Variants in SLC12A3 observed in about 807,000 individuals in gnomAD.
SLC12A3 encodes solute carrier family 12 member 3.
In SLC12A3, 104 loss-of-function variants were observed where a neutral mutation model predicts 121.0. The observed-to-expected ratio is 0.86, with a 90% CI of 0.73 to 1.01. The LOEUF (loss-of-function observed/expected upper bound fraction) is 1.01, where lower values mean the gene tolerates loss of function less well. Among genes scored for constraint, SLC12A3 ranks in the 50% least tolerant of loss-of-function variants. SLC12A3 has a pLI of 0.00. For missense variants in SLC12A3, 1,328 were observed against 1,356.3 expected, an observed-to-expected ratio of 0.98 and a Z score of 0.33; for synonymous variants, 536 against 533.4, an observed-to-expected ratio of 1.00 and a Z score of -0.07.
Position 56,870,083 on chromosome 16 carries a change from T to C in SLC12A3, c.602-13T>C. 6.2e-7 allele frequency: 1 copy of C among 1,612,120 alleles called. No homozygotes were observed. Among genetic ancestry groups the C allele is most frequent in the African/African-American group, 1.3e-5 (1 of 75,066 alleles). ...CTCATCTGGTTTCATGGTTCCCGGCTCTGCCCTGATAGGTGGCACCTACTT... is the reference window on the plus strand; with the variant it reads ...CTCATCTGGTTTCATGGTTCCCGGCCCTGCCCTGATAGGTGGCACCTACTT... On this transcript the variant is annotated splice_polypyrimidine_tract_variant and intron_variant, in intron 4 of 25. Coordinates refer to ENST00000563236, the MANE Select transcript of SLC12A3 (RefSeq NM_001126108.2).
At position 56,870,044 on chromosome 16, in the gene SLC12A3, C is replaced by A. The variant is rs1341134301; in HGVS notation, c.602-52C>A. ...CTGGCCTCTGCCTGCCCTGAGTCCA[C>A]CCCAGCCAACCGACTCATCTGGTTT... On this transcript the variant is annotated intron_variant, in intron 4 of 25. Coordinates refer to ENST00000563236, the MANE Select transcript of SLC12A3 (RefSeq NM_001126108.2). 5.0e-6 allele frequency: 8 copies of A among 1,605,776 alleles called. No homozygotes were observed. In the South Asian group the frequency reaches 6.6e-5, roughly 13 times the overall value.
chr16:56,872,319 A>G (rs1404094507), intron 6 of SLC12A3, 32 bp from the exon 7 acceptor site: 43 of 1,504,726 alleles, frequency 2.9e-5, no homozygotes, highest in Non-Finnish European at 3.8e-5. Flanking sequence ...GAACAAAACT[A>G]TCTGACCTCT....
chr16:56,915,185 G>A lies in SLC12A3; in HGVS notation c.*1780G>A, dbSNP rs2055736860. Reference sequence around the variant, plus strand: ...CAAGAAGCGTAAAGGTGAGTTGTTTGGTGGTACGACTGCCTGTGCCTTCTT... The same window carrying A: ...CAAGAAGCGTAAAGGTGAGTTGTTTAGTGGTACGACTGCCTGTGCCTTCTT... On this transcript the variant is annotated 3_prime_UTR_variant, in exon 26 of 26. Transcript: ENST00000563236. The A allele has an allele frequency of 6.6e-6, 1 of 152,224 alleles. No individual in the cohort carries two copies. Among genetic ancestry groups the A allele is most frequent in the Admixed American group, 6.5e-5 (1 of 15,280 alleles). 9.4% of individuals were successfully genotyped at this position (152,224 alleles called of 1,614,324 possible).
In SLC12A3 at chr16:56,914,719, G is replaced by A. The variant is rs1205898945; in HGVS notation, c.*1314G>A. 1.3e-5 allele frequency: 2 copies of A among 152,412 alleles called. No individual in the cohort carries two copies. Among genetic ancestry groups the A allele is most frequent in the African/African-American group, 2.4e-5 (1 of 41,458 alleles). 9.4% of individuals were successfully genotyped at this position (152,412 alleles called of 1,614,324 possible). A position where few individuals can be genotyped will look rare whatever the true frequency, so the allele number is the denominator to read the frequency against. On this transcript the variant is annotated 3_prime_UTR_variant, in exon 26 of 26. Transcript: ENST00000563236. Reference sequence around the variant, plus strand: ...AAAAGAGTTTTAAAGAAGGGGCAAGGTTGAAGGAGTCTAGTGGCAAGGGTA... The same window carrying A: ...AAAAGAGTTTTAAAGAAGGGGCAAGATTGAAGGAGTCTAGTGGCAAGGGTA...
intron 13 of SLC12A3, among the ~76,000 whole-genome samples, chr16:56,883,675 C>T (rs1310561643): frequency 2.6e-5 from 4 of 152,220 alleles, no homozygotes; most frequent in Non-Finnish European, 4.4e-5. Flanking sequence ...CACCATGAGG[C>T]AGCTGTCACT....
intron 18 of SLC12A3, among the ~76,000 whole-genome samples, chr16:56,889,441 C>G (rs1447893839): frequency 6.6e-5 from 10 of 152,154 alleles, no homozygotes; most frequent in Admixed American, 6.5e-4. Flanking sequence ...GTACATACAC[C>G]TTTGGAACAA....
At position 56,865,481 on chromosome 16, in the gene SLC12A3, C is replaced by T. The variant is rs1051844772; in HGVS notation, c.246C>T (p.Val82=). The T allele has an allele frequency of 9.3e-6, 15 of 1,613,802 alleles. No homozygotes were observed. Among genetic ancestry groups the T allele is most frequent in the Non-Finnish European group, 1.3e-5 (15 of 1,180,040 alleles). Residue 82 remains valine, a synonymous_variant, in exon 1 of 26, where the codon GTC becomes GTT. Coordinates refer to ENST00000563236, the MANE Select transcript of SLC12A3 (RefSeq NM_001126108.2). The part of the protein sequence containing the change: ...NSTQPGEPRK[V]RPTLADLHSF... The stretch of plus-strand genomic sequence containing the variant: ...CCCAGCCTGGTGAGCCCCGGAAGGT[C>T]CGGCCCACACTGGCTGACCTGCACT...
chr16:56,882,277 G>A, intron 12 of SLC12A3, 119 bp from the exon 13 acceptor site: 2 of 797,784 alleles, frequency 2.5e-6, no homozygotes, highest in Non-Finnish European at 4.5e-6. Flanking sequence ...TGAGAAGGTT[G>A]AGACTGACTG....
chr16:56,894,426 C>T (rs370742266), intron 21 of SLC12A3, 105 bp from the exon 22 acceptor site: 47 of 785,438 alleles, frequency 6.0e-5, no homozygotes, highest in Admixed American at 3.6e-4. Flanking sequence ...TGGGGTCCAG[C>T]GAGGAGAGGA....
chr16:56,890,441 T>G (rs1026305703), intron 19 of SLC12A3, 85 bp downstream of exon 19: 1 of 1,127,840 alleles, frequency 8.9e-7, no homozygotes, highest in South Asian at 1.3e-5. Context: ...GAGTAAGAAA[T>G]AAAAGGTTAC....
chr16:56,909,019 T>C (rs36053717), intron 25 of SLC12A3, among the ~76,000 whole-genome samples: 5,430 of 152,290 alleles, frequency 0.036, 347 homozygotes, highest in African/African-American at 0.12. Flanking sequence ...ACCCCATGTC[T>C]CTCTAGCCTC....
At chr16:56,912,743 A>G (rs1359530583) in intron 25 of SLC12A3, among the ~76,000 whole-genome samples, 1 of 152,130 alleles carries the variant, frequency 6.6e-6, no homozygotes, top group Non-Finnish European at 1.5e-5. Flanking sequence ...TGCTGTTGGG[A>G]CTGTGGAGGG....
In SLC12A3 at chr16:56,886,221, T is replaced by C; in HGVS notation, c.1926-143T>C. ...AGCCCCAAAAGTCACCCTGGATTTA[T>C]AGGTGGGAAGCCGAGGCCCCAAGCA... On this transcript the variant is annotated intron_variant, in intron 15 of 25. Transcript: ENST00000563236. 5 of 629,506 alleles carry C rather than the reference T, an allele frequency of 7.9e-6. No homozygotes were observed. The South Asian group carries it at 9.2e-5, about 12-fold the overall frequency. The allele number at this position is 629,506 out of a possible 1,614,324, so 39.0% of individuals were successfully genotyped here.
Position 56,872,687 on chromosome 16 carries a change from C to T in SLC12A3, c.996C>T (p.Asp332=), listed in dbSNP as rs967928519. 37 of 1,614,160 alleles carry T rather than the reference C, an allele frequency of 2.3e-5. No individual in the cohort carries two copies. The highest frequency in any genetic ancestry group is 3.1e-5 in the Non-Finnish European group (37 of 1,180,056). The change falls in exon 8 of 26, where the codon GAC becomes GAT. Residue 332 remains aspartate, a synonymous_variant. Transcript: ENST00000563236. ...ADIFVQNLVP[D]WRGPDGTFFG... The stretch of plus-strand genomic sequence containing the variant: ...TTTTTGTCCAGAACTTGGTGCCTGA[C>T]TGGCGGGGTCCAGATGGCACCTTCT...
At chr16:56,873,548 G>C (rs1295629150) in intron 8 of SLC12A3, among the ~76,000 whole-genome samples, 1 of 148,058 alleles carries the variant, frequency 6.8e-6, no homozygotes, top group African/African-American at 2.5e-5. Context: ...CACCGCACCC[G>C]GTTAATATTT....
At chr16:56,900,596 TC>T (rs1326465543) in intron 23 of SLC12A3, among the ~76,000 whole-genome samples, 1 of 151,950 alleles carries the variant, frequency 6.6e-6, no homozygotes, top group Non-Finnish European at 1.5e-5. Flanking sequence ...AGTGGCGCAA[TC>T]CCAGCTCACT....
chr16:56,913,883 C>T lies in SLC12A3; in HGVS notation c.*478C>T, dbSNP rs2055719307. 1.1e-5 allele frequency: 2 copies of T among 184,006 alleles called. No homozygotes were observed. 11.4% of individuals were successfully genotyped at this position (184,006 alleles called of 1,614,324 possible). On this transcript the variant is annotated 3_prime_UTR_variant, in exon 26 of 26. Transcript: ENST00000563236. ...CTCTCTAAGGAATGCAGGTCTCTCTCTGAGCCTCCACAGCCAGGCAAATAC... is the reference window on the plus strand; with the variant it reads ...CTCTCTAAGGAATGCAGGTCTCTCTTTGAGCCTCCACAGCCAGGCAAATAC...
In SLC12A3 at chr16:56,882,393, A is replaced by G. The variant is rs1302748637; in HGVS notation, c.1568-3A>G. On this transcript the variant is annotated splice_polypyrimidine_tract_variant and splice_region_variant and intron_variant, in intron 12 of 25. Transcript: ENST00000563236. ...TGTCCTCTCTCTCCCTGGGTCCCCG[A>G]AGCTGAGCTCAACACCATAGCCCCC... The G allele has an allele frequency of 1.2e-6, 2 of 1,613,350 alleles. No individual in the cohort carries two copies. Among genetic ancestry groups the G allele is most frequent in the African/African-American group, 2.7e-5 (2 of 74,892 alleles).
At chr16:56,886,533 C>T (rs1350731933) in intron 16 of SLC12A3, 58 bp downstream of exon 16, 13 of 1,466,164 alleles carry the variant, frequency 8.9e-6, no homozygotes, top group African/African-American at 2.8e-5. Context: ...GCCTGTAAAC[C>T]CAGCACTCTG....
Sources: gnomAD v4.1 joint callset for allele counts (sites outside exome capture counted in the v4.1 genomes callset) on GRCh38, gnomAD v4.1.1 for gene constraint, MANE v1.5 for transcripts, NCBI Gene and HGNC (gene_info 2026-07-23, HGNC 2026-07-21) for gene names.